The following PNOC variants were observed in gnomAD, a reference collection of about 807,000 sequenced individuals.
The protein encoded by PNOC is nociceptin.
In PNOC, 10 loss-of-function variants were observed where a neutral mutation model predicts 15.6. The observed-to-expected ratio is 0.64, with a 90% CI of 0.40 to 1.09. The LOEUF (loss-of-function observed/expected upper bound fraction) is 1.09, where lower values mean the gene tolerates loss of function less well. PNOC is among the 50% of genes least tolerant of loss of function. The probability of loss-of-function intolerance (pLI) is 0.01; values close to 1 mark genes in which losing one functional copy is unlikely to be tolerated. For missense variants in PNOC, 220 were observed against 223.9 expected, an observed-to-expected ratio of 0.98 and a Z score of 0.11; for synonymous variants, 98 against 88.5, an observed-to-expected ratio of 1.11 and a Z score of -0.60.
intron 2 of PNOC, among the ~76,000 whole-genome samples, chr8:28,332,564 T>C (rs1177209137): frequency 1.3e-5 from 2 of 152,134 alleles, no homozygotes; most frequent in Non-Finnish European, 2.9e-5. Context: ...CTTCATCAGC[T>C]CAAGGAGAAA....
intron 3 of PNOC, chr8:28,340,353 A>G (rs1801495324): frequency 6.6e-6 from 1 of 152,176 alleles, no homozygotes; most frequent in Non-Finnish European, 1.5e-5. Flanking sequence ...ATACAAGTCC[A>G]CATGTCTCAT....
chr8:28,333,257 C>A (rs1349980530), intron 2 of PNOC, among the ~76,000 whole-genome samples: 2 of 152,148 alleles, frequency 1.3e-5, no homozygotes, highest in Non-Finnish European at 2.9e-5. Context: ...CACTTTGTAC[C>A]CTAATCTTTG....
chr8:28,324,695 T>G (rs1801197521), intron 1 of PNOC, among the ~76,000 whole-genome samples: 1 of 152,132 alleles, frequency 6.6e-6, no homozygotes, highest in South Asian at 2.1e-4. Context: ...GAAACCCATC[T>G]CTACTAATAA....
chr8:28,318,614 A>T (rs1801098243), intron 1 of PNOC, among the ~76,000 whole-genome samples: 1 of 152,172 alleles, frequency 6.6e-6, no homozygotes, highest in African/African-American at 2.4e-5. Context: ...CTACAAGCTT[A>T]CACTGAGGCT....
At chr8:28,324,836 C>T (rs1055902369) in intron 1 of PNOC, among the ~76,000 whole-genome samples, 51 of 152,244 alleles carry the variant, frequency 3.3e-4, no homozygotes, top group Middle Eastern at 3.4e-3. Context: ...GTACTCCAGC[C>T]TGGGCAACAG....
intron 1 of PNOC, among the ~76,000 whole-genome samples, chr8:28,325,127 G>A (rs915896451): frequency 2.6e-5 from 4 of 152,142 alleles, no homozygotes; most frequent in Admixed American, 2.0e-4. Flanking sequence ...GCATATCACC[G>A]CCACTCTGCA....
chr8:28,324,079 G>T (rs752786433), intron 1 of PNOC, among the ~76,000 whole-genome samples: 1 of 152,190 alleles, frequency 6.6e-6, no homozygotes, highest in Non-Finnish European at 1.5e-5. Context: ...AAAGGTAGAC[G>T]TGCCTCTGAC....
At chr8:28,322,828 T>C (rs1237694523) in intron 1 of PNOC, among the ~76,000 whole-genome samples, 4 of 152,248 alleles carry the variant, frequency 2.6e-5, no homozygotes, top group Non-Finnish European at 5.9e-5. Flanking sequence ...CTGCTACTTA[T>C]AAACCGGATG....
rs115476066 is a variant in PNOC, at chr8:28,340,661, G to A, written c.*47+1170G>A. Among the ~76,000 whole-genome samples the A allele has an allele frequency of 6.5e-3, 988 of 152,316 alleles. 6 individuals carry two copies. The highest frequency in any genetic ancestry group is 0.022 in the African/African-American group (935 of 41,568). On this transcript the variant is annotated intron_variant, in intron 3 of 3. Transcript: ENST00000301908. ...GTACTTCATAAACAAAGTTTATTTG[G>A]CTCACGTTCTGCAGTCTATACAAGA...
chr8:28,339,614 C>CACACA, intron 3 of PNOC, 123 bp downstream of exon 3: 2 of 757,154 alleles, frequency 2.6e-6, no homozygotes, highest in South Asian at 4.2e-5. Flanking sequence ...CACACACACA[C>CACACA]CCCGCAAGGA....
Position 28,328,370 on chromosome 8 carries a change from G to A in PNOC, c.-23-765G>A, listed in dbSNP as rs543455519. Among the ~76,000 whole-genome samples the A allele has an allele frequency of 6.6e-5, 10 of 152,228 alleles. No individual in the cohort carries two copies. The East Asian group carries it at 1.2e-3, about 18-fold the overall frequency. Reference sequence around the variant, plus strand: ...TGGGATTACAGGCATGAGCCACTGTGCCTGGCCCAAAGATCCCATCTCTTA... The same window carrying A: ...TGGGATTACAGGCATGAGCCACTGTACCTGGCCCAAAGATCCCATCTCTTA... On this transcript the variant is annotated intron_variant, in intron 1 of 3. Transcript: ENST00000301908.
At chr8:28,338,922 G>C (rs966780071) in intron 2 of PNOC, 118 bp from the exon 3 acceptor site, 9 of 1,100,440 alleles carry the variant, frequency 8.2e-6, no homozygotes, top group Non-Finnish European at 1.2e-5. Flanking sequence ...CACGTTACTT[G>C]ATAACTTAGA....
At chr8:28,324,657 A>C (rs1260461848) in intron 1 of PNOC, among the ~76,000 whole-genome samples, 1 of 152,204 alleles carries the variant, frequency 6.6e-6, no homozygotes, top group African/African-American at 2.4e-5. Context: ...TGAGGTCAGG[A>C]GTTCGAGACC....
chr8:28,338,505 C>T (rs750353286), intron 2 of PNOC: 6 of 718,100 alleles, frequency 8.4e-6, no homozygotes, highest in South Asian at 6.3e-5. Flanking sequence ...CAGATAGTGA[C>T]GACTGCTGTA....
chr8:28,341,528 G>A (rs1801518488), intron 3 of PNOC, among the ~76,000 whole-genome samples: 1 of 152,172 alleles, frequency 6.6e-6, no homozygotes, highest in Admixed American at 6.5e-5. Context: ...TCTGAACGAT[G>A]GCAATGTTCT....
chr8:28,335,601 C>T lies in PNOC; in HGVS notation c.127-3439C>T, dbSNP rs184792375. Reference sequence around the variant, plus strand: ...GGAGTGCAGTGGTACAGTCTCGGTTCACCACAACCTCCGCCTCCCAGGTTG... The same window carrying T: ...GGAGTGCAGTGGTACAGTCTCGGTTTACCACAACCTCCGCCTCCCAGGTTG... On this transcript the variant is annotated intron_variant, in intron 2 of 3. Transcript: ENST00000301908. Among the ~76,000 whole-genome samples the T allele has an allele frequency of 8.5e-5, 13 of 152,268 alleles. No homozygotes were observed. In the East Asian group the frequency reaches 2.5e-3, roughly 29 times the overall value.
intron 3 of PNOC, among the ~76,000 whole-genome samples, chr8:28,342,708 C>G (rs949951329): frequency 3.9e-5 from 6 of 152,196 alleles, no homozygotes; most frequent in Admixed American, 1.3e-4. Flanking sequence ...CTGTGCCTAT[C>G]GAGTCACAGC....
chr8:28,330,397 T>TTTTATTTTTTA (rs1491220831), intron 2 of PNOC, among the ~76,000 whole-genome samples: 3 of 80,794 alleles, frequency 3.7e-5, no homozygotes, highest in African/African-American at 1.2e-4. Flanking sequence ...TTTTATTTTA[T>TTTTATTTTTTA]TTTTTTTTTT....
intron 1 of PNOC, among the ~76,000 whole-genome samples, chr8:28,326,633 G>A (rs1320359160): frequency 7.9e-5 from 12 of 152,088 alleles, no homozygotes; most frequent in African/African-American, 2.2e-4. Flanking sequence ...AGGCCGAGGC[G>A]GGCAGATCAC....
Sources: gnomAD v4.1 joint callset for allele counts (sites outside exome capture counted in the v4.1 genomes callset) on GRCh38, gnomAD v4.1.1 for gene constraint, MANE v1.5 for transcripts, NCBI Gene and HGNC (gene_info 2026-07-23, HGNC 2026-07-21) for gene names.